The following DLGAP1 variants were observed in gnomAD, a reference collection of about 807,000 sequenced individuals.
DLGAP1 encodes the protein DLG associated protein 1, also known as disks large-associated protein 1.
A neutral mutation model predicts 90.8 loss-of-function variants in DLGAP1; 11 were observed. The ratio of observed to expected loss-of-function variants is 0.12; its 90% CI spans 0.08 to 0.20. The LOEUF is 0.20. Ranked by LOEUF, DLGAP1 falls within the 10% of genes least tolerant of loss-of-function variation. The pLI is 1.00. For synonymous variants in DLGAP1, 558 were observed against 540.7 expected (o/e 1.03, Z -0.44); for missense variants, 1,050 against 1,333.8 (o/e 0.79, Z 3.31).
intron 2 of DLGAP1, among the ~76,000 whole-genome samples, chr18:4,049,365 A>G (rs1430263600): frequency 6.6e-6 from 1 of 152,084 alleles, no homozygotes; most frequent in Non-Finnish European, 1.5e-5. Context: ...CTGCCCCAGT[A>G]GCTGAGCCAG....
rs2075282303 is a variant in DLGAP1 at position 4,060,390 on chromosome 18, T to C, written c.-158-55189A>G. On this transcript the variant is annotated intron_variant, in intron 2 of 12. Transcript: ENST00000315677. The stretch of plus-strand genomic sequence containing the variant: ...GTAAAAATATACTTCCCAAGATGGG[T>C]ACCTGCTTAATATTTACCAACCTCT... Among the ~76,000 whole-genome samples, 3 of 152,166 alleles carry C rather than the reference T, an allele frequency of 2.0e-5. No individual in the cohort carries two copies. The South Asian group carries it at 6.2e-4, about 31-fold the overall frequency.
At chr18:4,234,913 G>A (rs537782768) in intron 1 of DLGAP1, among the ~76,000 whole-genome samples, 2 of 152,266 alleles carry the variant, frequency 1.3e-5, no homozygotes, top group Admixed American at 6.5e-5. Context: ...GGATGTGCAC[G>A]TGAACCCTGA....
intron 3 of DLGAP1, among the ~76,000 whole-genome samples, chr18:3,980,104 C>T (rs1342580173): frequency 6.6e-6 from 1 of 151,912 alleles, no homozygotes; most frequent in East Asian, 1.9e-4. Flanking sequence ...CCATTGCGCT[C>T]CAGCCTGAGT....
chr18:3,766,207 T>C (rs760936237), intron 5 of DLGAP1, among the ~76,000 whole-genome samples: 4 of 152,098 alleles, frequency 2.6e-5, no homozygotes, highest in Non-Finnish European at 5.9e-5. Context: ...TAAAGTACAC[T>C]ACAAAGTAAA....
At position 3,727,006 on chromosome 18, in the gene DLGAP1, C is replaced by G. The variant is rs1232553239; in HGVS notation, c.1591+2129G>C. ...GATTCAACTTAGATTAAAAATGGAA[C>G]AACATGAGACACCCTCCCAGGGCTC... is the stretch of plus-strand genomic sequence containing the variant. On this transcript the variant is annotated intron_variant, in intron 7 of 12. Coordinates refer to ENST00000315677, the MANE Select transcript of DLGAP1 (RefSeq NM_004746.4). This position sits in a 1 kb window ranked among gnomAD's most constrained non-coding sequence, Gnocchi z 4.7. 2.6e-5 allele frequency among the ~76,000 whole-genome samples: 4 copies of G among 152,332 alleles called. No individual in the cohort carries two copies. The highest frequency in any genetic ancestry group is 4.1e-4 in the South Asian group (2 of 4,826).
chr18:4,169,148 C>T (rs954263853), intron 1 of DLGAP1, among the ~76,000 whole-genome samples: 1 of 152,070 alleles, frequency 6.6e-6, no homozygotes, highest in Non-Finnish European at 1.5e-5. Context: ...AATGAGGCTA[C>T]ACTATTTAAA....
rs2059635285 is a variant in DLGAP1, at chr18:3,660,066, C to T, written c.1591+69069G>A. Reference sequence around the variant, plus strand: ...GCTCTTTTCTTTTGTTCACATTTGACTTCAAATATAACTTCCTCAGAGAGT... The same window carrying T: ...GCTCTTTTCTTTTGTTCACATTTGATTTCAAATATAACTTCCTCAGAGAGT... On this transcript the variant is annotated intron_variant, in intron 7 of 12. Coordinates refer to ENST00000315677, the MANE Select transcript of DLGAP1 (RefSeq NM_004746.4). This position sits in a 1 kb window ranked among gnomAD's most constrained non-coding sequence, Gnocchi z 4.2. 6.6e-6 allele frequency among the ~76,000 whole-genome samples: 1 copy of T among 152,192 alleles called. No individual in the cohort carries two copies. The highest frequency in any genetic ancestry group is 6.5e-5 in the Admixed American group (1 of 15,280).
intron 11 of DLGAP1, among the ~76,000 whole-genome samples, chr18:3,506,496 A>G (rs1337721004): frequency 1.3e-5 from 2 of 148,344 alleles, no homozygotes; most frequent in Non-Finnish European, 3.0e-5. Context: ...CTGGGCAACA[A>G]GAGTGAGACT....
intron 1 of DLGAP1, among the ~76,000 whole-genome samples, chr18:4,240,678 T>C (rs1266298139): frequency 6.6e-6 from 1 of 152,218 alleles, no homozygotes; most frequent in African/African-American, 2.4e-5. Context: ...TCAGAGCCTT[T>C]TGGATAATTC....
intron 5 of DLGAP1, among the ~76,000 whole-genome samples, chr18:3,773,790 C>T (rs1008387810): frequency 6.6e-6 from 1 of 152,182 alleles, no homozygotes; most frequent in East Asian, 1.9e-4. Flanking sequence ...ACTGGTGCTA[C>T]ATTAATTCAA....
chr18:3,687,401 G>A (rs1033091112), intron 7 of DLGAP1, among the ~76,000 whole-genome samples: 1 of 152,124 alleles, frequency 6.6e-6, no homozygotes, highest in Non-Finnish European at 1.5e-5. Context: ...AAGAATTAAC[G>A]ATAATACCAA....
chr18:4,368,844 CTA>C (rs1472249052), intron 1 of DLGAP1, among the ~76,000 whole-genome samples: 2 of 152,066 alleles, frequency 1.3e-5, no homozygotes, highest in Non-Finnish European at 2.9e-5. Context: ...ATGGTTCTCT[CTA>C]TGTAGATAAA....
At chr18:4,385,943 C>T (rs1294090934) in intron 1 of DLGAP1, among the ~76,000 whole-genome samples, 1 of 152,052 alleles carries the variant, frequency 6.6e-6, no homozygotes, top group African/African-American at 2.4e-5. Flanking sequence ...CTTATGAAAG[C>T]TTTTCAAGCA....
intron 3 of DLGAP1, among the ~76,000 whole-genome samples, chr18:3,957,554 T>C (rs1001033013): frequency 2.0e-5 from 3 of 152,234 alleles, no homozygotes; most frequent in Non-Finnish European, 2.9e-5. Flanking sequence ...TTAGATATTT[T>C]TAAAATCGTT....
chr18:4,136,530 T>C (rs1282202778), intron 2 of DLGAP1, among the ~76,000 whole-genome samples: 1 of 152,240 alleles, frequency 6.6e-6, no homozygotes, highest in Non-Finnish European at 1.5e-5. Flanking sequence ...TTGGTATTTG[T>C]ATGTCTTGTT....
intron 1 of DLGAP1, among the ~76,000 whole-genome samples, chr18:4,438,732 A>C (rs1319434485): frequency 6.6e-6 from 1 of 152,168 alleles, no homozygotes; most frequent in African/African-American, 2.4e-5. Context: ...TTTGAAATTT[A>C]CCTGATTCCT....
chr18:3,812,719 C>T (rs575712292), intron 5 of DLGAP1, among the ~76,000 whole-genome samples: 1 of 152,082 alleles, frequency 6.6e-6, no homozygotes, highest in Admixed American at 6.5e-5. Flanking sequence ...CATGGGAGGC[C>T]GTCTCTGTCC....
intron 1 of DLGAP1, among the ~76,000 whole-genome samples, chr18:4,387,292 T>C (rs1157267793): frequency 2.0e-5 from 3 of 152,170 alleles, no homozygotes; most frequent in Non-Finnish European, 4.4e-5. Flanking sequence ...TTTAATAGTC[T>C]GATTGGGAAA....
At chr18:4,021,755 T>C (rs1408566778) in intron 2 of DLGAP1, among the ~76,000 whole-genome samples, 2 of 152,160 alleles carry the variant, frequency 1.3e-5, no homozygotes, top group East Asian at 1.9e-4. Flanking sequence ...TGGGCCACCA[T>C]GCCAGGCTAA....
Sources: allele counts gnomAD v4.1 joint callset (sites outside exome capture counted in the v4.1 genomes callset), GRCh38; gene constraint gnomAD v4.1.1; non-coding constraint Gnocchi (gnomAD v3.1); transcripts MANE v1.5; gene names NCBI Gene and HGNC (gene_info 2026-07-23, HGNC 2026-07-21).